Variants in CPAP observed in about 807,000 individuals in gnomAD.
The protein encoded by CPAP is centrosomal P4.1-associated protein.
At chr13:24,921,321 T>C in the CPAP span, among the ~76,000 whole-genome samples, 4 of 148,496 alleles carry the variant, frequency 2.7e-5, no homozygotes, top group Non-Finnish European at 6.0e-5. Flanking sequence ...GCGACAGATA[T>C]AACAATTCTC....
the CPAP span, among the ~76,000 whole-genome samples, chr13:24,908,791 A>G: frequency 6.6e-6 from 1 of 152,178 alleles, no homozygotes; most frequent in Non-Finnish European, 1.5e-5. Context: ...ATATTTTGGG[A>G]TAACTGGGGG....
the CPAP span, among the ~76,000 whole-genome samples, chr13:24,916,650 A>G: frequency 1.1e-4 from 16 of 152,244 alleles, no homozygotes; most frequent in Admixed American, 1.0e-3. Context: ...ATAAACTGGT[A>G]CAACATTTTG....
the CPAP span, chr13:24,906,190 G>A: frequency 6.2e-7 from 1 of 1,613,638 alleles, no homozygotes; most frequent in Admixed American, 1.7e-5. Context: ...CTTTGACAGG[G>A]GTGGAAGACA....
chr13:24,913,231 G>A, the CPAP span: 206 of 562,606 alleles, frequency 3.7e-4, no homozygotes, highest in African/African-American at 2.5e-3. Context: ...AAGCAATTGG[G>A]CATTGAGCTA....
chr13:24,931,054 T>G, the CPAP span, among the ~76,000 whole-genome samples: 6 of 152,194 alleles, frequency 3.9e-5, no homozygotes. Flanking sequence ...TGATGATTAG[T>G]GATGTTGAGC....
the CPAP span, chr13:24,892,608 C>A: frequency 2.6e-4 from 392 of 1,532,128 alleles, 3 homozygotes; most frequent in African/African-American, 4.3e-3. Context: ...GAAGCTCCCC[C>A]TGGCCTGACA....
the CPAP span, among the ~76,000 whole-genome samples, chr13:24,901,714 G>T: frequency 1.3e-5 from 2 of 152,214 alleles, no homozygotes; most frequent in Admixed American, 1.3e-4. Context: ...AAGCAAGGCT[G>T]GACATCGTAG....
chr13:24,930,114 G>GACAAAC, the CPAP span, among the ~76,000 whole-genome samples: 1 of 151,530 alleles, frequency 6.6e-6, no homozygotes, highest in Non-Finnish European at 1.5e-5. Context: ...GTCTCGCTAT[G>GACAAAC]TTGCCAAGGC....
the CPAP span, chr13:24,884,040 G>A: frequency 1.2e-6 from 2 of 1,613,802 alleles, no homozygotes; most frequent in Non-Finnish European, 1.7e-6. Flanking sequence ...TAACAGTCTG[G>A]TCAGGAAACG....
the CPAP span, among the ~76,000 whole-genome samples, chr13:24,923,230 G>T: frequency 1.3e-4 from 19 of 141,756 alleles, no homozygotes; most frequent in Non-Finnish European, 2.6e-4. Context: ...CTTAAAGGAG[G>T]TGTTTTGGGT....
chr13:24,911,939 A>C, the CPAP span: 29 of 1,613,948 alleles, frequency 1.8e-5, no homozygotes, highest in Non-Finnish European at 2.4e-5. Context: ...GTGTAGGCAA[A>C]GCATACCTGG....
chr13:24,888,143 C>T, the CPAP span, among the ~76,000 whole-genome samples: 690 of 151,844 alleles, frequency 4.5e-3, no homozygotes, highest in Non-Finnish European at 7.2e-3. Flanking sequence ...AATGCAAAAG[C>T]GCATAGAAGA....
the CPAP span, among the ~76,000 whole-genome samples, chr13:24,929,749 A>G: frequency 6.6e-6 from 1 of 151,874 alleles, no homozygotes; most frequent in Non-Finnish European, 1.5e-5. Context: ...CCCATCATGC[A>G]TATGCTGGTA....
chr13:24,905,573 G>C, the CPAP span: 1 of 1,614,086 alleles, frequency 6.2e-7, no homozygotes, highest in East Asian at 2.2e-5. Flanking sequence ...GCATGTCTGC[G>C]GCGTCCCATA....
chr13:24,885,521 G>A, the CPAP span: 1 of 1,228,202 alleles, frequency 8.1e-7, no homozygotes, highest in Admixed American at 1.7e-5. Context: ...TTTTACACGT[G>A]GTTTAGAAAC....
At chr13:24,931,855 A>T in the CPAP span, among the ~76,000 whole-genome samples, 26 of 152,346 alleles carry the variant, frequency 1.7e-4, no homozygotes, top group East Asian at 4.1e-3. Context: ...GTTAAAGGAC[A>T]GCACCATCCA....
At chr13:24,924,808 T>A in the CPAP span, 1 of 152,258 alleles carries the variant, frequency 6.6e-6, no homozygotes, top group African/African-American at 2.4e-5. Context: ...GATCAAATCC[T>A]AGCTTGATAA....
chr13:24,903,079 A>G, the CPAP span, among the ~76,000 whole-genome samples: 1 of 152,236 alleles, frequency 6.6e-6, no homozygotes, highest in South Asian at 2.1e-4. Flanking sequence ...CGTAAAATTT[A>G]TATAGAGAGA....
At chr13:24,923,954 G>A in the CPAP span, among the ~76,000 whole-genome samples, 2 of 151,974 alleles carry the variant, frequency 1.3e-5, no homozygotes, top group African/African-American at 4.8e-5. Flanking sequence ...TCAGCCTCCC[G>A]AGTAGCTGGG....
Sources: gnomAD v4.1 joint callset for allele counts (sites outside exome capture counted in the v4.1 genomes callset) on GRCh38, gnomAD v4.1.1 for gene constraint, MANE v1.5 for transcripts, NCBI Gene and HGNC (gene_info 2026-07-23, HGNC 2026-07-21) for gene names.